The following FSTL5 variants were observed in gnomAD, a reference collection of about 807,000 sequenced individuals.
The protein encoded by FSTL5 is follistatin-related protein 5.
A neutral mutation model predicts 89.1 loss-of-function variants in FSTL5; 62 were observed. The observed-to-expected ratio is 0.70, with a 90% confidence interval of 0.57 to 0.86. The LOEUF (loss-of-function observed/expected upper bound fraction) is 0.86. Ranked by LOEUF, FSTL5 falls within the 40% of genes least tolerant of loss-of-function variation. The pLI, the probability that FSTL5 is intolerant of heterozygous loss-of-function variation, is 0.00. For missense variants in FSTL5, 1,057 were observed against 1,001.6 expected, an observed-to-expected ratio of 1.06 and a Z score of -0.75; for synonymous variants, 383 against 346.2, an observed-to-expected ratio of 1.11 and a Z score of -1.18.
intron 2 of FSTL5, among the ~76,000 whole-genome samples, chr4:162,063,183 C>T (rs1405835853): frequency 6.6e-6 from 1 of 151,730 alleles, no homozygotes; most frequent in East Asian, 1.9e-4. Context: ...GTTATTGTCT[C>T]ATTTCATTAG....
At chr4:161,435,309 T>A (rs577949340) in intron 15 of FSTL5, among the ~76,000 whole-genome samples, 2 of 152,190 alleles carry the variant, frequency 1.3e-5, no homozygotes, top group Admixed American at 6.5e-5. Context: ...TTAAGTGAAA[T>A]AAGACAGGCA....
At chr4:162,076,762 C>A (rs1363661958) in intron 2 of FSTL5, among the ~76,000 whole-genome samples, 2 of 151,672 alleles carry the variant, frequency 1.3e-5, no homozygotes, top group Non-Finnish European at 2.9e-5. Flanking sequence ...AGATGAGAGG[C>A]CCAAACAGGT....
At chr4:162,048,065 G>A (rs1354712215) in intron 2 of FSTL5, among the ~76,000 whole-genome samples, 2 of 152,010 alleles carry the variant, frequency 1.3e-5, no homozygotes, top group Admixed American at 6.6e-5. Context: ...GGCGGGTCAC[G>A]CCTGTAATCC....
chr4:162,052,770 A>G (rs1021592112), intron 2 of FSTL5, among the ~76,000 whole-genome samples: 4 of 151,852 alleles, frequency 2.6e-5, no homozygotes, highest in African/African-American at 7.2e-5. Flanking sequence ...AAAAGCACAC[A>G]CTTTTTTGTG....
intron 6 of FSTL5, among the ~76,000 whole-genome samples, chr4:161,726,918 T>A (rs1019303845): frequency 6.7e-6 from 1 of 149,598 alleles, no homozygotes; most frequent in Non-Finnish European, 1.5e-5. Flanking sequence ...AAAAAATATA[T>A]ATATATATAT....
chr4:161,478,042 C>A (rs1729355547), intron 13 of FSTL5, among the ~76,000 whole-genome samples: 1 of 151,972 alleles, frequency 6.6e-6, no homozygotes, highest in African/African-American at 2.4e-5. Flanking sequence ...TGCATACACA[C>A]ACATAAACTC....
At chr4:161,464,403 G>A (rs958662947) in intron 13 of FSTL5, among the ~76,000 whole-genome samples, 12 of 152,012 alleles carry the variant, frequency 7.9e-5, no homozygotes, top group Non-Finnish European at 1.8e-4. Context: ...AGCACGGCCA[G>A]CTTGATCACC....
intron 13 of FSTL5, among the ~76,000 whole-genome samples, chr4:161,470,649 T>C (rs1213124836): frequency 2.0e-5 from 3 of 152,102 alleles, no homozygotes; most frequent in Non-Finnish European, 4.4e-5. Flanking sequence ...GGGATTTTGA[T>C]AAGAATTTCA....
At position 161,476,189 on chromosome 4, in the gene FSTL5, G is replaced by GTTTTTT. The variant is rs1241724019; in HGVS notation, c.1608+4830_1608+4831insAAAAAA. ...AGTTTGCTGGTTTTTTTTTTTTTTTGTTTGTTTGTTTTTTTGAGAAAGAGT... is the reference window on the plus strand; with the variant it reads ...AGTTTGCTGGTTTTTTTTTTTTTTTGTTTTTTTTTGTTTGTTTTTTTGAGAAAGAGT... On this transcript the variant is annotated intron_variant, in intron 13 of 15. Coordinates refer to ENST00000306100, the MANE Select transcript of FSTL5 (RefSeq NM_020116.5). 4.2e-4 allele frequency among the ~76,000 whole-genome samples: 45 copies of GTTTTTT among 106,892 alleles called. 3 individuals are homozygous for GTTTTTT. The highest frequency in any genetic ancestry group is 1.5e-3 in the African/African-American group (40 of 26,590). The allele number at this position is 106,892 out of a possible 152,430, so 70.1% of individuals were successfully genotyped here. A position where few individuals can be genotyped will look rare whatever the true frequency, so the allele number is the denominator to read the frequency against.
At chr4:162,050,393 G>A (rs1738340893) in intron 2 of FSTL5, among the ~76,000 whole-genome samples, 1 of 150,900 alleles carries the variant, frequency 6.6e-6, no homozygotes, top group African/African-American at 2.4e-5. Flanking sequence ...ACATTTATAT[G>A]TCATTTTATA....
intron 3 of FSTL5, among the ~76,000 whole-genome samples, chr4:161,975,838 G>T (rs910483849): frequency 6.6e-6 from 1 of 150,720 alleles, no homozygotes; most frequent in African/African-American, 2.4e-5. Context: ...CAAGCAGGCT[G>T]GGCGCAGTGG....
chr4:161,622,780 T>G lies in FSTL5; in HGVS notation c.894+33548A>C, dbSNP rs1399497622. On this transcript the variant is annotated intron_variant, in intron 7 of 15. Coordinates refer to ENST00000306100, the MANE Select transcript of FSTL5 (RefSeq NM_020116.5). ...GGCAAAAAAGTTTAGAAAATTTTTA[T>G]TTAAGAATCAATTCCAGGTATACTC... is the stretch of plus-strand genomic sequence containing the variant. 3.9e-5 allele frequency among the ~76,000 whole-genome samples: 6 copies of G among 152,238 alleles called. No individual in the cohort carries two copies. In the East Asian group the frequency reaches 9.6e-4, roughly 24 times the overall value.
intron 7 of FSTL5, among the ~76,000 whole-genome samples, chr4:161,613,911 T>A (rs1734746215): frequency 6.6e-6 from 1 of 152,044 alleles, no homozygotes; most frequent in South Asian, 2.1e-4. Flanking sequence ...TATAGTTTAA[T>A]TATATACATC....
chr4:161,399,883 G>A (rs985951438), intron 15 of FSTL5, among the ~76,000 whole-genome samples: 4 of 152,004 alleles, frequency 2.6e-5, no homozygotes, highest in Non-Finnish European at 5.9e-5. Flanking sequence ...ATTTAATATT[G>A]CATCTTGGTT....
intron 6 of FSTL5, among the ~76,000 whole-genome samples, chr4:161,732,064 G>C (rs538576584): frequency 1.5e-5 from 2 of 131,848 alleles, no homozygotes; most frequent in South Asian, 2.7e-4. Flanking sequence ...CTGTGTCATG[G>C]GGCAGTTCTA....
intron 2 of FSTL5, among the ~76,000 whole-genome samples, chr4:162,040,256 C>T (rs1737897523): frequency 1.3e-5 from 2 of 152,018 alleles, no homozygotes; most frequent in Non-Finnish European, 2.9e-5. Context: ...GTATAAAATA[C>T]TGAGGTGTTT....
At chr4:162,026,429 T>G (rs1384587806) in intron 3 of FSTL5, among the ~76,000 whole-genome samples, 3 of 149,660 alleles carry the variant, frequency 2.0e-5, no homozygotes, top group African/African-American at 7.4e-5. Flanking sequence ...TGCCTCAGCC[T>G]CCTGAGTAGC....
In FSTL5 at chr4:161,696,044, C is replaced by T. The variant is rs370071754; in HGVS notation, c.728-39550G>A. On this transcript the variant is annotated intron_variant, in intron 6 of 15. Transcript: ENST00000306100. Reference sequence around the variant, plus strand: ...ATGAAATATTTGCCTGAGCCAATGTCTAGAAGGGTTTTTCCAATGTTATCT... The same window carrying T: ...ATGAAATATTTGCCTGAGCCAATGTTTAGAAGGGTTTTTCCAATGTTATCT... Among the ~76,000 whole-genome samples, 18 of 152,264 alleles carry T rather than the reference C, an allele frequency of 1.2e-4. No individual in the cohort carries two copies. In the East Asian group the frequency reaches 2.3e-3, roughly 20 times the overall value.
intron 8 of FSTL5, among the ~76,000 whole-genome samples, chr4:161,561,475 T>C (rs1732600278): frequency 6.6e-6 from 1 of 151,950 alleles, no homozygotes; most frequent in Non-Finnish European, 1.5e-5. Context: ...CTGGTGGCTG[T>C]TAATTGGCTC....
Sources: gnomAD v4.1 joint callset for allele counts (sites outside exome capture counted in the v4.1 genomes callset) on GRCh38, gnomAD v4.1.1 for gene constraint, MANE v1.5 for transcripts, NCBI Gene and HGNC (gene_info 2026-07-23, HGNC 2026-07-21) for gene names.